SIPA1L3: variants seen among roughly 807,000 people sequenced by gnomAD.
The protein encoded by SIPA1L3 is signal-induced proliferation-associated 1-like protein 3.
SIPA1L3 carries 59 observed loss-of-function variants against 150.1 expected under a neutral mutation model. The observed-to-expected ratio is 0.39, with a 90% CI of 0.32 to 0.49. SIPA1L3 has a LOEUF of 0.49. SIPA1L3 is among the 20% of genes least tolerant of loss of function. The pLI is 0.86. For synonymous variants in SIPA1L3, 1,070 were observed against 1,077.6 expected (o/e 0.99, Z 0.14); for missense variants, 2,211 against 2,489.5 (o/e 0.89, Z 2.38).
At position 38,051,159 on chromosome 19, in the gene SIPA1L3, T is replaced by C. The variant is rs576479026; in HGVS notation, c.-311+22003T>C. On this transcript the variant is annotated intron_variant, in intron 2 of 21. Transcript: ENST00000222345. ...GATATCACTACATTTACCAGAGTTT[T>C]CTCCTCTGGGTAGCACATAGGTTTT... 1.6e-3 allele frequency among the ~76,000 whole-genome samples: 239 copies of C among 152,330 alleles called. 1 individual carries two copies. Among genetic ancestry groups the C allele is most frequent in the African/African-American group, 5.5e-3 (230 of 41,572 alleles).
intron 2 of SIPA1L3, among the ~76,000 whole-genome samples, chr19:38,039,769 C>T (rs565688694): frequency 4.6e-4 from 69 of 149,520 alleles, no homozygotes; most frequent in Non-Finnish European, 9.2e-4. Flanking sequence ...AATCAGCTGC[C>T]TTTCTGTATT....
At chr19:38,063,352 C>T (rs1420734386) in intron 2 of SIPA1L3, among the ~76,000 whole-genome samples, 3 of 152,140 alleles carry the variant, frequency 2.0e-5, no homozygotes, top group African/African-American at 7.2e-5. Flanking sequence ...GCCCCACTGC[C>T]GCCCCCCATC....
At chr19:38,173,257 G>A (rs1019183797) in intron 15 of SIPA1L3, among the ~76,000 whole-genome samples, 2 of 152,258 alleles carry the variant, frequency 1.3e-5, no homozygotes, top group African/African-American at 2.4e-5. Context: ...CAAGCGGGGA[G>A]CCCCCTACCC....
At chr19:37,982,558 C>T (rs1292036963) in intron 1 of SIPA1L3, among the ~76,000 whole-genome samples, 1 of 152,172 alleles carries the variant, frequency 6.6e-6, no homozygotes, top group Non-Finnish European at 1.5e-5. Flanking sequence ...GGAGACAAGC[C>T]CAGGGCTGCT....
At position 38,164,562 on chromosome 19, in the gene SIPA1L3, CGACCCCCTG is replaced by C. The variant is rs1188022902; in HGVS notation, c.3876_3884del (p.Asp1292_Leu1294del). The C allele has an allele frequency of 4.3e-6, 7 of 1,614,094 alleles. No homozygotes were observed. The South Asian group carries it at 6.6e-5, about 15-fold the overall frequency. On this transcript the variant is annotated inframe_deletion, in exon 15 of 22. Transcript: ENST00000222345. This position sits in a 1 kb window ranked among gnomAD's most constrained non-coding sequence, Gnocchi z 4.1. ...GCAGCCACAGCGACGACCGCTGGTT[CGACCCCCTG>C]GACCCCCTGGAGCCAGAGCAAGACC...
chr19:38,119,518 A>C lies in SIPA1L3; in HGVS notation c.2504A>C (p.Asn835Thr), dbSNP rs140175745. Residue 835 changes from asparagine to threonine, a missense_variant, in exon 9 of 22, where the codon AAC (asparagine) becomes ACC (threonine). Around this residue, in one of 5 missense-constraint regions of SIPA1L3, gnomAD observed 625 missense variants for 804.2 expected, o/e 0.78. Coordinates refer to ENST00000222345, the MANE Select transcript of SIPA1L3 (RefSeq NM_015073.3). ...GACCTGGCCGAAAACTGTGTCTCCA[A>C]CACCCCCATCGACTCCACCGGCAAA... ...LKDLAENCVS[N>T]TPIDSTGKFN... The C allele has an allele frequency of 6.2e-7, 1 of 1,614,072 alleles. No individual in the cohort carries two copies. Among genetic ancestry groups the C allele is most frequent in the Non-Finnish European group, 8.5e-7 (1 of 1,180,006 alleles).
chr19:38,120,253 G>A (rs888950426), intron 9 of SIPA1L3, among the ~76,000 whole-genome samples: 3 of 151,416 alleles, frequency 2.0e-5, no homozygotes, highest in Non-Finnish European at 4.4e-5. Flanking sequence ...CTTGAGCCCA[G>A]GAATTTCCAG....
In SIPA1L3 at chr19:37,999,002, CA is replaced by C. The variant is rs1283585662; in HGVS notation, c.-378-30086del. ...TATCACACACACACACACACACACA[CA>C]CACACACACCCACACACACACAAAG... On this transcript the variant is annotated intron_variant, in intron 1 of 21. Transcript: ENST00000222345. Among the ~76,000 whole-genome samples the C allele has an allele frequency of 2.2e-3, 335 of 151,726 alleles. 1 individual carries two copies. Among genetic ancestry groups the C allele is most frequent in the African/African-American group, 7.9e-3 (325 of 41,306 alleles).
intron 15 of SIPA1L3, among the ~76,000 whole-genome samples, chr19:38,180,409 G>A (rs748754596): frequency 5.9e-5 from 9 of 151,878 alleles, no homozygotes; most frequent in Non-Finnish European, 7.4e-5. Context: ...TGATCTTCCC[G>A]TCTTGGCCTC....
At chr19:37,926,546 A>T (rs2046505319) in intron 1 of SIPA1L3, among the ~76,000 whole-genome samples, 2 of 152,092 alleles carry the variant, frequency 1.3e-5, no homozygotes, top group South Asian at 4.2e-4. Context: ...TAGCTGGCAG[A>T]GCACCCAGCT....
intron 9 of SIPA1L3, among the ~76,000 whole-genome samples, chr19:38,123,028 A>G (rs1971058713): frequency 6.6e-6 from 1 of 152,162 alleles, no homozygotes; most frequent in Non-Finnish European, 1.5e-5. Flanking sequence ...GTAGCCGCTG[A>G]GTGAGCAGGA....
intron 18 of SIPA1L3, among the ~76,000 whole-genome samples, chr19:38,196,884 G>A (rs549082631): frequency 1.3e-5 from 2 of 152,280 alleles, no homozygotes; most frequent in African/African-American, 2.4e-5. Context: ...TATGTCCCAC[G>A]TCTTCCACTC....
chr19:38,140,000 T>C (rs1971534294), intron 10 of SIPA1L3, among the ~76,000 whole-genome samples: 1 of 152,158 alleles, frequency 6.6e-6, no homozygotes, highest in Non-Finnish European at 1.5e-5. Flanking sequence ...AACAGTGGCA[T>C]TGGGGGTTAA....
At chr19:38,189,765 CA>C (rs371930017) in intron 16 of SIPA1L3, among the ~76,000 whole-genome samples, 1 of 151,252 alleles carries the variant, frequency 6.6e-6, no homozygotes, top group African/African-American at 2.4e-5. Flanking sequence ...GACCCTGTCT[CA>C]AAAAAAATAG....
At chr19:38,175,930 G>C (rs1600172325) in intron 15 of SIPA1L3, among the ~76,000 whole-genome samples, 1 of 152,104 alleles carries the variant, frequency 6.6e-6, no homozygotes, top group East Asian at 1.9e-4. Context: ...CGTTCAGGCT[G>C]GGCGCTGTGG....
rs543391138 is a variant in SIPA1L3 at position 38,045,594 on chromosome 19, G to A, written c.-311+16438G>A. On this transcript the variant is annotated intron_variant, in intron 2 of 21. Coordinates refer to ENST00000222345, the MANE Select transcript of SIPA1L3 (RefSeq NM_015073.3). ...CTCAGGAAAAAAAGAAAGAAAAAGT[G>A]CAGGGGGCCTTGAGAGAGAATAACA... Among the ~76,000 whole-genome samples, 3 of 152,156 alleles carry A rather than the reference G, an allele frequency of 2.0e-5. No homozygotes were observed. The South Asian group carries it at 6.2e-4, about 32-fold the overall frequency.
At chr19:37,977,151 A>G (rs1967095516) in intron 1 of SIPA1L3, among the ~76,000 whole-genome samples, 1 of 151,570 alleles carries the variant, frequency 6.6e-6, no homozygotes, top group African/African-American at 2.4e-5. Context: ...TACCATTATT[A>G]TTTTTATTTT....
chr19:38,157,212 G>C (rs535233686), intron 13 of SIPA1L3, among the ~76,000 whole-genome samples: 10 of 152,258 alleles, frequency 6.6e-5, no homozygotes, highest in Non-Finnish European at 1.5e-4. Flanking sequence ...CAAGGATCAG[G>C]CTTCGCAGCA....
chr19:38,086,172 A>G (rs375112003), intron 3 of SIPA1L3, among the ~76,000 whole-genome samples: 31 of 152,158 alleles, frequency 2.0e-4, no homozygotes, highest in African/African-American at 7.0e-4. Flanking sequence ...CTGTATATGT[A>G]TTAACTTTGT....
Sources: allele counts gnomAD v4.1 joint callset (sites outside exome capture counted in the v4.1 genomes callset), GRCh38; gene constraint gnomAD v4.1.1; regional missense constraint gnomAD v4.1.1; non-coding constraint Gnocchi (gnomAD v3.1); transcripts MANE v1.5; gene names NCBI Gene and HGNC (gene_info 2026-07-23, HGNC 2026-07-21).